The following SUGCT variants were observed in gnomAD, a reference collection of about 807,000 sequenced individuals.
SUGCT encodes the protein succinyl-CoA:glutarate CoA-transferase.
In SUGCT, 41 loss-of-function variants were observed where a neutral mutation model predicts 55.0. The ratio of observed to expected loss-of-function variants is 0.74; its 90% CI spans 0.58 to 0.97. The LOEUF is 0.97. SUGCT is among the 50% of genes least tolerant of loss of function. The probability of loss-of-function intolerance (pLI) is 0.00; values close to 1 mark genes in which losing one functional copy is unlikely to be tolerated. For synonymous variants in SUGCT, 187 were observed against 200.4 expected (o/e 0.93, Z 0.56); for missense variants, 568 against 547.8 (o/e 1.04, Z -0.37).
At chr7:40,850,780 G>A (rs1029205796) in intron 13 of SUGCT, among the ~76,000 whole-genome samples, 6 of 152,108 alleles carry the variant, frequency 3.9e-5, no homozygotes, top group African/African-American at 1.4e-4. Context: ...ATTTCTACAA[G>A]TTAAAACTTT....
intron 13 of SUGCT, among the ~76,000 whole-genome samples, chr7:40,781,804 C>T (rs1326466744): frequency 6.6e-6 from 1 of 152,126 alleles, no homozygotes; most frequent in East Asian, 1.9e-4. Flanking sequence ...GACTTTTTAA[C>T]ATCAAATGGT....
the SUGCT span, among the ~76,000 whole-genome samples, chr7:40,919,968 G>A: frequency 2.0e-5 from 3 of 152,064 alleles, no homozygotes; most frequent in African/African-American, 7.2e-5. Context: ...GATCCAGTGT[G>A]TGGCTCATGC....
At chr7:40,272,703 A>G (rs907671857) in intron 7 of SUGCT, among the ~76,000 whole-genome samples, 8 of 147,434 alleles carry the variant, frequency 5.4e-5, no homozygotes, top group African/African-American at 2.0e-4. Flanking sequence ...TCTGTTACCC[A>G]TGCTGGAGTG....
chr7:40,851,238 G>A (rs898443230), intron 13 of SUGCT, among the ~76,000 whole-genome samples: 2 of 152,044 alleles, frequency 1.3e-5, no homozygotes, highest in African/African-American at 4.8e-5. Context: ...TGCATCTGTC[G>A]TGTGCCCTTG....
At chr7:40,394,767 G>T (rs564806792) in intron 9 of SUGCT, among the ~76,000 whole-genome samples, 95 of 152,300 alleles carry the variant, frequency 6.2e-4, no homozygotes, top group Non-Finnish European at 1.2e-3. Flanking sequence ...ATATATAAGT[G>T]AGGTGATGCA....
At position 40,489,972 on chromosome 7, in the gene SUGCT, A is replaced by G. The variant is rs568336187; in HGVS notation, c.987-6312A>G. 7.9e-5 allele frequency among the ~76,000 whole-genome samples: 12 copies of G among 152,278 alleles called. No homozygotes were observed. The East Asian group carries it at 1.2e-3, about 15-fold the overall frequency. On this transcript the variant is annotated intron_variant, in intron 11 of 13. Transcript: ENST00000335693. Reference sequence around the variant, plus strand: ...TCCTCAACAGTAAACCTGTCCAGAAATCTTGAGCAGACCCACTGTAGTGGT... The same window carrying G: ...TCCTCAACAGTAAACCTGTCCAGAAGTCTTGAGCAGACCCACTGTAGTGGT...
chr7:40,623,712 G>A (rs1799381354), intron 12 of SUGCT, among the ~76,000 whole-genome samples: 1 of 151,838 alleles, frequency 6.6e-6, no homozygotes, highest in South Asian at 2.1e-4. Flanking sequence ...ACATGTGCAC[G>A]CACATGCACT....
chr7:40,940,407 T>G, the SUGCT span, among the ~76,000 whole-genome samples: 1 of 152,260 alleles, frequency 6.6e-6, no homozygotes, highest in East Asian at 1.9e-4. Context: ...TTTTTTCTAA[T>G]CCTGTGAAAA....
intron 9 of SUGCT, among the ~76,000 whole-genome samples, chr7:40,373,288 C>CAGAATCTATGGATTCTAGAAAATTT (rs1784377579): frequency 5.5e-5 from 1 of 18,298 alleles, no homozygotes; most frequent in African/African-American, 1.2e-4. Context: ...ATATAGAATT[C>CAGAATCTATGGATTCTAGAAAATTT]AGAATCTATA....
the SUGCT span, among the ~76,000 whole-genome samples, chr7:40,972,165 T>G: frequency 6.6e-6 from 1 of 152,360 alleles, no homozygotes; most frequent in South Asian, 2.1e-4. Flanking sequence ...GTTGTTATTT[T>G]ATTTCCATGT....
At chr7:40,608,667 G>A (rs1798631094) in intron 12 of SUGCT, among the ~76,000 whole-genome samples, 1 of 152,278 alleles carries the variant, frequency 6.6e-6, no homozygotes, top group Admixed American at 6.5e-5. Context: ...TGTGAAAACG[G>A]TGTGTTTTTA....
Position 40,377,162 on chromosome 7 carries a change from C to CT in SUGCT, c.816+60310dup, listed in dbSNP as rs1449637488. On this transcript the variant is annotated intron_variant, in intron 9 of 13. Transcript: ENST00000335693. ...TCTTTCTTTCTTTCTTTCTTTCTTT[C>CT]TTTCTTTCTTTCTTTCTTTCTTTCT... Among the ~76,000 whole-genome samples the CT allele has an allele frequency of 2.5e-4, 4 of 15,734 alleles. 2 individuals carry two copies. The highest frequency in any genetic ancestry group is 6.2e-4 in the Non-Finnish European group (2 of 3,250). 10.3% of individuals were successfully genotyped at this position (15,734 alleles called of 152,430 possible).
chr7:40,827,409 G>T (rs899837617), intron 13 of SUGCT, among the ~76,000 whole-genome samples: 5 of 152,230 alleles, frequency 3.3e-5, no homozygotes, highest in Admixed American at 2.6e-4. Context: ...GGAGAAGAGA[G>T]GGAGCAAAGA....
intron 13 of SUGCT, among the ~76,000 whole-genome samples, chr7:40,846,893 G>C (rs1221089951): frequency 6.6e-6 from 1 of 152,088 alleles, no homozygotes; most frequent in Non-Finnish European, 1.5e-5. Context: ...TGAGAAAATG[G>C]TGTCATAATG....
chr7:40,907,154 A>G, the SUGCT span, among the ~76,000 whole-genome samples: 1 of 151,244 alleles, frequency 6.6e-6, no homozygotes, highest in South Asian at 2.1e-4. Flanking sequence ...AGAGAGAGAG[A>G]GAGAGAGAGA....
At chr7:40,444,443 C>T (rs1206942093) in intron 9 of SUGCT, among the ~76,000 whole-genome samples, 1 of 152,078 alleles carries the variant, frequency 6.6e-6, no homozygotes, top group Admixed American at 6.6e-5. Context: ...CTTCACATCC[C>T]TTGTAAGTTG....
the SUGCT span, among the ~76,000 whole-genome samples, chr7:40,923,308 T>G: frequency 1.3e-5 from 2 of 152,182 alleles, no homozygotes; most frequent in African/African-American, 4.8e-5. Flanking sequence ...AGATATTACA[T>G]GCAGGAGACA....
At chr7:40,687,729 G>T (rs1415177319) in intron 12 of SUGCT, among the ~76,000 whole-genome samples, 3 of 152,130 alleles carry the variant, frequency 2.0e-5, no homozygotes. Flanking sequence ...GTAATCTCTA[G>T]ATGAGAAGCA....
chr7:40,266,493 G>T (rs567671666), intron 7 of SUGCT, among the ~76,000 whole-genome samples: 2 of 152,086 alleles, frequency 1.3e-5, no homozygotes, highest in South Asian at 2.1e-4. Context: ...AAGTAGTAGA[G>T]TGCCTATACT....
Sources: gnomAD v4.1 joint callset for allele counts (sites outside exome capture counted in the v4.1 genomes callset) on GRCh38, gnomAD v4.1.1 for gene constraint, MANE v1.5 for transcripts, NCBI Gene and HGNC (gene_info 2026-07-23, HGNC 2026-07-21) for gene names.